The following CABCOCO1 variants were observed in gnomAD, a reference collection of about 807,000 sequenced individuals.
CABCOCO1 encodes ciliary associated calcium binding coiled-coil 1, also known as ciliary-associated calcium-binding coiled-coil protein 1.
Under a neutral mutation model 35.7 loss-of-function variants are expected in CABCOCO1, and 28 were observed. The ratio of observed to expected loss-of-function variants is 0.78; its 90% CI spans 0.58 to 1.07. CABCOCO1 has a LOEUF of 1.07. Among genes scored for constraint, CABCOCO1 ranks in the 50% least tolerant of loss-of-function variants. CABCOCO1 has a pLI of 0.00. For synonymous variants in CABCOCO1, 95 were observed against 100.1 expected (o/e 0.95, Z 0.30); for missense variants, 326 against 309.2 (o/e 1.05, Z -0.41).
intron 5 of CABCOCO1, among the ~76,000 whole-genome samples, chr10:61,737,178 C>T (rs908975026): frequency 2.0e-5 from 3 of 151,738 alleles, no homozygotes; most frequent in African/African-American, 7.3e-5. Context: ...GACATACATG[C>T]GACCAACAAG....
intron 5 of CABCOCO1, among the ~76,000 whole-genome samples, chr10:61,739,208 G>A (rs760904388): frequency 1.8e-4 from 28 of 152,196 alleles, no homozygotes; most frequent in Non-Finnish European, 3.7e-4. Context: ...TGGATGCCTC[G>A]GCCATGAGGG....
chr10:61,685,576 C>A (rs940563439), intron 3 of CABCOCO1, among the ~76,000 whole-genome samples: 5 of 152,000 alleles, frequency 3.3e-5, no homozygotes, highest in African/African-American at 1.2e-4. Context: ...CAGCGCTATT[C>A]CTGAGACAGA....
intron 2 of CABCOCO1, among the ~76,000 whole-genome samples, chr10:61,672,996 C>G (rs1369631721): frequency 6.6e-6 from 1 of 152,166 alleles, no homozygotes; most frequent in African/African-American, 2.4e-5. Context: ...TAAAAGCAGG[C>G]TATAGCATAT....
At chr10:61,681,714 A>G (rs1839797413) in intron 3 of CABCOCO1, among the ~76,000 whole-genome samples, 1 of 152,156 alleles carries the variant, frequency 6.6e-6, no homozygotes, top group Non-Finnish European at 1.5e-5. Flanking sequence ...GAAAATGAAG[A>G]AACTTTCTGT....
At chr10:61,730,188 G>A (rs1841269379) in intron 5 of CABCOCO1, among the ~76,000 whole-genome samples, 1 of 150,424 alleles carries the variant, frequency 6.6e-6, no homozygotes, top group Non-Finnish European at 1.5e-5. Flanking sequence ...AAAAACTAGA[G>A]CTTCTTAAGA....
At chr10:61,680,695 T>TA (rs1253812633) in intron 2 of CABCOCO1, among the ~76,000 whole-genome samples, 2 of 49,334 alleles carry the variant, frequency 4.1e-5, no homozygotes, top group Non-Finnish European at 6.6e-5. Flanking sequence ...ATGTATAACA[T>TA]ATATATGTTA....
At chr10:61,701,613 T>C (rs1840461255) in intron 5 of CABCOCO1, 9 of 982,286 alleles carry the variant, frequency 9.2e-6, no homozygotes, top group Non-Finnish European at 1.1e-5. Flanking sequence ...CATGTTTCCA[T>C]TCTCTGATTA....
rs1407067692 is a variant in CABCOCO1 at position 61,665,132 on chromosome 10, A to T, written c.60+2100A>T. Among the ~76,000 whole-genome samples the T allele has an allele frequency of 1.3e-5, 2 of 152,182 alleles. 1 individual carries two copies. Among genetic ancestry groups the T allele is most frequent in the African/African-American group, 4.8e-5 (2 of 41,440 alleles). On this transcript the variant is annotated intron_variant, in intron 1 of 7. Transcript: ENST00000648843. ...TTCCCATTTGTTGTTTGTGGCCAAT[A>T]CCTAGAATAGAAGTAATTATCCCAA... is the stretch of plus-strand genomic sequence containing the variant.
intron 5 of CABCOCO1, among the ~76,000 whole-genome samples, chr10:61,749,772 T>C (rs969829575): frequency 2.0e-5 from 3 of 152,230 alleles, no homozygotes; most frequent in African/African-American, 4.8e-5. Context: ...CTATTTCTGA[T>C]AGAATTCTCC....
intron 5 of CABCOCO1, among the ~76,000 whole-genome samples, chr10:61,711,009 A>T (rs1238721795): frequency 6.6e-6 from 1 of 151,952 alleles, no homozygotes; most frequent in Non-Finnish European, 1.5e-5. Context: ...AAGGGATAAC[A>T]TTAAATACAA....
At chr10:61,680,469 T>A (rs1346186486) in intron 2 of CABCOCO1, among the ~76,000 whole-genome samples, 1 of 118,054 alleles carries the variant, frequency 8.5e-6, no homozygotes, top group South Asian at 2.4e-4. Context: ...ACATATATAA[T>A]ATATATTTAT....
intron 5 of CABCOCO1, among the ~76,000 whole-genome samples, chr10:61,733,107 A>G (rs1841342061): frequency 6.6e-6 from 1 of 152,008 alleles, no homozygotes; most frequent in African/African-American, 2.4e-5. Context: ...TTTAACTAAT[A>G]CCATTTACAT....
intron 5 of CABCOCO1, among the ~76,000 whole-genome samples, chr10:61,750,232 C>A (rs1198645475): frequency 1.3e-5 from 2 of 152,150 alleles, no homozygotes; most frequent in Non-Finnish European, 2.9e-5. Context: ...CTCTTTATGG[C>A]TTTAAACTAC....
Position 61,713,228 on chromosome 10 carries a change from T to A in CABCOCO1, c.552+22607T>A, listed in dbSNP as rs184936921. Among the ~76,000 whole-genome samples the A allele has an allele frequency of 2.7e-3, 410 of 152,310 alleles. 2 individuals carry two copies. Among genetic ancestry groups the A allele is most frequent in the Non-Finnish European group, 4.2e-3 (288 of 68,018 alleles). ...CCTTGAAGAGGTCCTTCACATCCCT[T>A]GTAAGTTGGATTCCTAGGTATTTTA... On this transcript the variant is annotated intron_variant, in intron 5 of 7. Coordinates refer to ENST00000648843, the MANE Select transcript of CABCOCO1 (RefSeq NM_001366906.2).
At chr10:61,765,400 A>G (rs369035265) in intron 7 of CABCOCO1, among the ~76,000 whole-genome samples, 2 of 152,240 alleles carry the variant, frequency 1.3e-5, no homozygotes, top group South Asian at 4.1e-4. Context: ...TTTACCAAAA[A>G]TATATCAGAA....
intron 1 of CABCOCO1, among the ~76,000 whole-genome samples, chr10:61,668,199 G>C (rs1490109721): frequency 6.6e-6 from 1 of 151,642 alleles, no homozygotes; most frequent in African/African-American, 2.4e-5. Context: ...ATCTTATTTG[G>C]TCATAGGTAT....
At chr10:61,684,564 G>A (rs2095146937) in intron 3 of CABCOCO1, among the ~76,000 whole-genome samples, 1 of 152,124 alleles carries the variant, frequency 6.6e-6, no homozygotes, top group African/African-American at 2.4e-5. Flanking sequence ...GTTGACTGAT[G>A]GTTTCAGAGA....
intron 5 of CABCOCO1, among the ~76,000 whole-genome samples, chr10:61,694,295 C>G (rs571275749): frequency 6.0e-4 from 87 of 145,628 alleles, no homozygotes; most frequent in Non-Finnish European, 9.5e-4. Context: ...GTCTTGTTAT[C>G]TAGTATGGCA....
rs557111058 is a variant in CABCOCO1, at chr10:61,673,076, G to A, written c.164+341G>A. The stretch of plus-strand genomic sequence containing the variant: ...ATTAACTTAAAGAATGTTCTCCCTC[G>A]TTGTAAGAAGAGTAAGTTGTGTTTT... On this transcript the variant is annotated intron_variant, in intron 2 of 7. Transcript: ENST00000648843. 3.3e-4 allele frequency among the ~76,000 whole-genome samples: 50 copies of A among 152,188 alleles called. 1 individual carries two copies. Among genetic ancestry groups the A allele is most frequent in the African/African-American group, 1.1e-3 (44 of 41,522 alleles).
Sources: allele counts gnomAD v4.1 joint callset (sites outside exome capture counted in the v4.1 genomes callset), GRCh38; gene constraint gnomAD v4.1.1; transcripts MANE v1.5; gene names NCBI Gene and HGNC (gene_info 2026-07-23, HGNC 2026-07-21).